The following MAP3K19 variants were observed in gnomAD, a reference collection of about 807,000 sequenced individuals.
MAP3K19 encodes mitogen-activated protein kinase kinase kinase 19.
Under a neutral mutation model 114.4 loss-of-function variants are expected in MAP3K19, and 91 were observed. The observed-to-expected ratio is 0.80, with a 90% confidence interval of 0.67 to 0.95. The LOEUF is 0.95. Ranked by LOEUF, MAP3K19 falls within the 40% of genes least tolerant of loss-of-function variation. The pLI is 0.00. For missense variants in MAP3K19, 1,471 were observed against 1,573.2 expected (o/e 0.94, Z 1.10); for synonymous variants, 518 against 530.5 (o/e 0.98, Z 0.32).
In MAP3K19 at chr2:135,005,472, G is replaced by A. The variant is rs1201182361; in HGVS notation, c.198C>T (p.Pro66=). 3.1e-6 allele frequency: 5 copies of A among 1,614,000 alleles called. No individual in the cohort carries two copies. Among genetic ancestry groups the A allele is most frequent in the Non-Finnish European group, 4.2e-6 (5 of 1,179,928 alleles). Residue 66 remains proline, a synonymous_variant, in exon 6 of 13, where the codon CCC becomes CCT. Transcript: ENST00000392915. ...HSTLVNEEED[P]SGGRQDWQPR... is the part of the protein sequence containing the mutation. ...GTTGCCAGTCCTGTCTACCACCACT[G>A]GGATCTTCTTCTTCATTAACCAGTG...
intron 3 of MAP3K19, among the ~76,000 whole-genome samples, chr2:135,025,506 C>T (rs1278576693): frequency 6.6e-6 from 1 of 151,616 alleles, no homozygotes; most frequent in Non-Finnish European, 1.5e-5. Context: ...CTGCCTCAGC[C>T]TCCAGAGTAG....
intron 4 of MAP3K19, chr2:135,023,699 C>G (rs926623608): frequency 6.2e-5 from 25 of 404,846 alleles, no homozygotes; most frequent in Admixed American, 4.0e-4. Flanking sequence ...CCCAGCATCT[C>G]TTAGGCTCAC....
intron 8 of MAP3K19, among the ~76,000 whole-genome samples, chr2:134,995,807 A>G (rs914351872): frequency 6.6e-6 from 1 of 152,230 alleles, no homozygotes; most frequent in African/African-American, 2.4e-5. Flanking sequence ...AAAATTGGGC[A>G]TTGCTTGTGT....
Position 135,000,003 on chromosome 2 carries a change from G to GGTGTTGAGATCACTGTAAC in MAP3K19, c.247_248insGTTACAGTGATCTCAACAC (p.Thr83SerfsTer49). The GGTGTTGAGATCACTGTAAC allele has an allele frequency of 6.2e-7, 1 of 1,609,604 alleles. No homozygotes were observed. Among genetic ancestry groups the GGTGTTGAGATCACTGTAAC allele is most frequent in the Non-Finnish European group, 8.5e-7 (1 of 1,175,920 alleles). On this transcript the variant is annotated frameshift_variant, in exon 7 of 13. Transcript: ENST00000392915. LOFTEE classifies it high-confidence loss of function. ...ACTGACATCTCTTGGAAAAGTTACAGTGATCTCAACACCTGTAGAAACATA... is the reference window on the plus strand; with the variant it reads ...ACTGACATCTCTTGGAAAAGTTACAGGTGTTGAGATCACTGTAACTGATCTCAACACCTGTAGAAACATA...
chr2:134,983,934 T>C lies in MAP3K19; in HGVS notation c.3073-109A>G, dbSNP rs1684903937. On this transcript the variant is annotated intron_variant, in intron 10 of 12. Coordinates refer to ENST00000392915, the MANE Select transcript of MAP3K19 (RefSeq NM_025052.5). ...TTCAAATGTTCCTGTCTGTGGCCAC[T>C]CTTACAGGTAACTTCTAGAGACACA... The C allele has an allele frequency of 1.5e-5, 11 of 712,882 alleles. No homozygotes were observed. The South Asian group carries it at 2.4e-4, about 15-fold the overall frequency. The allele number at this position is 712,882 out of a possible 1,614,324, so 44.2% of individuals were successfully genotyped here.
intron 8 of MAP3K19, among the ~76,000 whole-genome samples, chr2:134,996,447 C>T (rs1353836778): frequency 2.6e-5 from 4 of 151,986 alleles, no homozygotes; most frequent in Admixed American, 6.6e-5. Context: ...TGTAATCCGG[C>T]GAAGATGAAC....
At chr2:134,980,680 A>G in intron 12 of MAP3K19, 141 bp downstream of exon 12, 1 of 716,058 alleles carries the variant, frequency 1.4e-6, no homozygotes, top group South Asian at 1.9e-5. Context: ...ACTGATTATG[A>G]TTACTTTCGG....
chr2:135,043,929 C>G (rs1265689479), intron 1 of MAP3K19, among the ~76,000 whole-genome samples: 1 of 152,216 alleles, frequency 6.6e-6, no homozygotes, highest in African/African-American at 2.4e-5. Context: ...TGACATTTAT[C>G]ATTACTACCT....
intron 5 of MAP3K19, among the ~76,000 whole-genome samples, chr2:135,010,514 G>A (rs532337602): frequency 3.3e-5 from 5 of 152,282 alleles, no homozygotes; most frequent in African/African-American, 1.2e-4. Context: ...ACAACACCAC[G>A]GGAGCTGATA....
At position 134,981,946 on chromosome 2, in the gene MAP3K19, C is replaced by T. The variant is rs537370026; in HGVS notation, c.3223-428G>A. The stretch of plus-strand genomic sequence containing the variant: ...TCACTCTGTTGCCCAGGCTGGAGTG[C>T]ATTGGCACAATCACAGCTCATTGCA... On this transcript the variant is annotated intron_variant, in intron 11 of 12. Transcript: ENST00000392915. Among the ~76,000 whole-genome samples, 3 of 138,734 alleles carry T rather than the reference C, an allele frequency of 2.2e-5. No individual in the cohort carries two copies. In the East Asian group the frequency reaches 6.2e-4, roughly 29 times the overall value. The allele number at this position is 138,734 out of a possible 152,430, so 91.0% of individuals were successfully genotyped here.
rs145234597 is a variant in MAP3K19 at position 135,024,135 on chromosome 2, C to T, written c.22+491G>A. 3.0e-3 allele frequency among the ~76,000 whole-genome samples: 455 copies of T among 152,282 alleles called. 3 individuals are homozygous for T. The highest frequency in any genetic ancestry group is 0.01 in the African/African-American group (423 of 41,546). Reference sequence around the variant, plus strand: ...TCAAGTCTCACCTCTTTCATGAAACCTTCTTAGGTATAGCTTTGTCCTCTG... The same window carrying T: ...TCAAGTCTCACCTCTTTCATGAAACTTTCTTAGGTATAGCTTTGTCCTCTG... On this transcript the variant is annotated intron_variant, in intron 4 of 12. Coordinates refer to ENST00000392915, the MANE Select transcript of MAP3K19 (RefSeq NM_025052.5).
intron 5 of MAP3K19, among the ~76,000 whole-genome samples, chr2:135,013,381 T>C (rs10169130): frequency 0.25 from 38,107 of 151,408 alleles, 5,977 homozygotes; most frequent in African/African-American, 0.41. Flanking sequence ...CCTGCTCCCA[T>C]ACATGCACAG....
In MAP3K19 at chr2:134,981,199, C is replaced by G. The variant is rs370266138; in HGVS notation, c.3542G>C (p.Cys1181Ser). 2 of 1,614,008 alleles carry G rather than the reference C, an allele frequency of 1.2e-6. No individual in the cohort carries two copies. Among genetic ancestry groups the G allele is most frequent in the African/African-American group, 2.7e-5 (2 of 74,926 alleles). Reference protein sequence around the residue: ...LQGVAYLHENCVVHRDIKGNN... With the variant: ...LQGVAYLHENSVVHRDIKGNN... ...TCCTTTGATATCGCGATGTACCACA[C>G]AGTTCTCATGGAGATAAGCAACACC... Residue 1181 changes from cysteine to serine, a missense_variant, in exon 12 of 13, where the codon TGT becomes TCT. By Grantham distance (112) the Cys-to-Ser change is moderately radical (BLOSUM62 -1). Transcript: ENST00000392915.
In MAP3K19 at chr2:134,981,185, C is replaced by G. The variant is rs768975491; in HGVS notation, c.3556G>C (p.Asp1186His). The change falls in exon 12 of 13, where the codon GAT (aspartate) becomes CAT (histidine). Residue 1186 changes from aspartate to histidine, a missense_variant. Asp to His is a moderately conservative substitution (Grantham distance 81). Transcript: ENST00000392915. The part of the protein sequence containing the change: ...YLHENCVVHR[D>H]IKGNNVMLMP... ...AGCATAACATTATTTCCTTTGATATCGCGATGTACCACACAGTTCTCATGG... is the reference window on the plus strand; with the variant it reads ...AGCATAACATTATTTCCTTTGATATGGCGATGTACCACACAGTTCTCATGG... 4 of 1,614,056 alleles carry G rather than the reference C, an allele frequency of 2.5e-6. No homozygotes were observed. The South Asian group carries it at 4.4e-5, about 18-fold the overall frequency.
intron 12 of MAP3K19, among the ~76,000 whole-genome samples, chr2:134,973,918 A>G (rs1490593601): frequency 6.6e-6 from 1 of 152,156 alleles, no homozygotes; most frequent in African/African-American, 2.4e-5. Flanking sequence ...GACTTTCTCC[A>G]TTTTTGAAGG....
intron 12 of MAP3K19, among the ~76,000 whole-genome samples, chr2:134,978,392 T>C (rs1156684859): frequency 6.6e-6 from 1 of 151,962 alleles, no homozygotes; most frequent in Admixed American, 6.6e-5. Context: ...ATGGGGTTTC[T>C]TCATGTGGCC....
chr2:135,013,158 A>G (rs1687352301), intron 5 of MAP3K19, among the ~76,000 whole-genome samples: 4 of 152,066 alleles, frequency 2.6e-5, no homozygotes, highest in African/African-American at 9.7e-5. Flanking sequence ...TGTCTCTACT[A>G]AAAATACAAA....
chr2:134,965,947 A>G (rs1358851693), intron 12 of MAP3K19, among the ~76,000 whole-genome samples: 1 of 152,100 alleles, frequency 6.6e-6, no homozygotes, highest in Non-Finnish European at 1.5e-5. Context: ...CATGAGATCT[A>G]CTTTCGTAGC....
At chr2:134,976,598 A>T (rs1435374786) in intron 12 of MAP3K19, among the ~76,000 whole-genome samples, 4 of 152,160 alleles carry the variant, frequency 2.6e-5, no homozygotes, top group Admixed American at 6.5e-5. Flanking sequence ...TAAGTGCCAG[A>T]TGTCTCTAGT....
Sources: gnomAD v4.1 joint callset for allele counts (sites outside exome capture counted in the v4.1 genomes callset) on GRCh38, gnomAD v4.1.1 for gene constraint, MANE v1.5 for transcripts, NCBI Gene and HGNC (gene_info 2026-07-23, HGNC 2026-07-21) for gene names.